DAB1: variants seen among roughly 807,000 people sequenced by gnomAD.
DAB1 encodes disabled homolog 1.
DAB1 carries 15 observed loss-of-function variants against 64.6 expected under a neutral mutation model. That is an observed-to-expected ratio of 0.23 (90% CI 0.16 to 0.36). The LOEUF (loss-of-function observed/expected upper bound fraction) is 0.36. DAB1 is among the 10% of genes least tolerant of loss of function. The pLI is 1.00. For synonymous variants in DAB1, 235 were observed against 251.9 expected, an observed-to-expected ratio of 0.93 and a Z score of 0.64; for missense variants, 596 against 706.7, an observed-to-expected ratio of 0.84 and a Z score of 1.78.
At chr1:57,912,162 T>C (rs1374414360) in intron 5 of DAB1, among the ~76,000 whole-genome samples, 1 of 152,222 alleles carries the variant, frequency 6.6e-6, no homozygotes, top group African/African-American at 2.4e-5. Flanking sequence ...AAGCTTCACC[T>C]GTATGTCACG....
intron 3 of DAB1, among the ~76,000 whole-genome samples, chr1:58,386,551 A>G (rs1644433844): frequency 6.6e-6 from 1 of 152,162 alleles, no homozygotes; most frequent in Admixed American, 6.5e-5. Flanking sequence ...CGACTTATCC[A>G]AAGTCACAGT....
At chr1:57,996,638 G>A (rs11207147) in intron 5 of DAB1, among the ~76,000 whole-genome samples, 3,001 of 152,228 alleles carry the variant, frequency 0.02, 66 homozygotes, top group African/African-American at 0.049. Context: ...AATGCAGAAG[G>A]GTGGAAAAGT....
At chr1:58,517,213 C>A (rs1409677645) in intron 2 of DAB1, among the ~76,000 whole-genome samples, 2 of 152,216 alleles carry the variant, frequency 1.3e-5, no homozygotes, top group African/African-American at 4.8e-5. Flanking sequence ...ATCTGGACTA[C>A]TGAACCCAAA....
intron 3 of DAB1, among the ~76,000 whole-genome samples, chr1:58,486,749 C>T (rs961554147): frequency 6.6e-5 from 10 of 152,126 alleles, no homozygotes; most frequent in African/African-American, 2.2e-4. Flanking sequence ...TCAAAGAAAG[C>T]CTCCCCAGGA....
chr1:57,166,630 G>A (rs1253507196), intron 2 of DAB1, among the ~76,000 whole-genome samples: 1 of 152,138 alleles, frequency 6.6e-6, no homozygotes, highest in Non-Finnish European at 1.5e-5. Context: ...GGGAGAGGTG[G>A]TATTGAAGTC....
chr1:58,366,572 T>C (rs1195007235), intron 3 of DAB1, among the ~76,000 whole-genome samples: 1 of 152,138 alleles, frequency 6.6e-6, no homozygotes, highest in Non-Finnish European at 1.5e-5. Context: ...AAGAGTGAAA[T>C]AGGAGTGGAT....
intron 4 of DAB1, among the ~76,000 whole-genome samples, chr1:57,112,404 A>G (rs1383555575): frequency 6.6e-6 from 1 of 152,208 alleles, no homozygotes; most frequent in East Asian, 1.9e-4. Context: ...CAGGTGAATC[A>G]TCACCAAGAT....
intron 5 of DAB1, among the ~76,000 whole-genome samples, chr1:57,900,536 G>A (rs748113361): frequency 2.0e-5 from 3 of 152,192 alleles, no homozygotes; most frequent in Non-Finnish European, 4.4e-5. Context: ...TAGGCTACCT[G>A]AGCAAGCGAG....
At chr1:57,812,330 A>G (rs1325173127) in intron 6 of DAB1, among the ~76,000 whole-genome samples, 1 of 151,176 alleles carries the variant, frequency 6.6e-6, no homozygotes, top group Non-Finnish European at 1.5e-5. Context: ...AAAAAAAAAA[A>G]AAAAAAAAGA....
rs548695793 is a variant in DAB1, at chr1:57,750,089, G to A, written n.552-100424C>T. Among the ~76,000 whole-genome samples the A allele has an allele frequency of 7.9e-5, 12 of 152,214 alleles. No homozygotes were observed. In the South Asian group the frequency reaches 2.5e-3, roughly 32 times the overall value. ...AAGCCCTGTGCTGCCTACAGTCAAG[G>A]CCCCACCTGATTCTTTCTCTCCTTT... is the stretch of plus-strand genomic sequence containing the variant. On this transcript the variant is annotated intron_variant and non_coding_transcript_variant, in intron 6 of 20. Coordinates refer to the DAB1 transcript ENST00000485760.
intron 6 of DAB1, among the ~76,000 whole-genome samples, chr1:57,795,145 T>C (rs977622494): frequency 2.6e-5 from 4 of 152,172 alleles, no homozygotes; most frequent in African/African-American, 9.7e-5. Context: ...ACATGAATAA[T>C]ACAGAATACC....
chr1:57,977,410 T>C (rs963628079), intron 5 of DAB1, among the ~76,000 whole-genome samples: 1 of 152,180 alleles, frequency 6.6e-6, no homozygotes, highest in Non-Finnish European at 1.5e-5. Context: ...CTGACTTCAT[T>C]TGTTTCCTTC....
intron 7 of DAB1, among the ~76,000 whole-genome samples, chr1:57,533,953 A>T (rs933541342): frequency 3.3e-5 from 5 of 152,178 alleles, no homozygotes; most frequent in African/African-American, 9.7e-5. Context: ...TGAAGACACT[A>T]GCCAGTCCAC....
At chr1:57,119,842 G>T (rs1343579773) in intron 4 of DAB1, among the ~76,000 whole-genome samples, 1 of 152,112 alleles carries the variant, frequency 6.6e-6, no homozygotes, top group African/African-American at 2.4e-5. Flanking sequence ...TTGGGAAACA[G>T]TTGACTGCCC....
chr1:57,682,198 C>T lies in DAB1; in HGVS notation n.552-32533G>A, dbSNP rs559161047. On this transcript the variant is annotated intron_variant and non_coding_transcript_variant, in intron 6 of 20. Coordinates refer to the DAB1 transcript ENST00000485760. ...AACATCCAATTAGTTTCCTTTAAAA[C>T]AGTCAAGAACATATTGCAACCATTA... is the stretch of plus-strand genomic sequence containing the variant. Among the ~76,000 whole-genome samples, 4 of 151,594 alleles carry T rather than the reference C, an allele frequency of 2.6e-5. No individual in the cohort carries two copies. The South Asian group carries it at 6.3e-4, about 24-fold the overall frequency.
At chr1:58,344,482 C>G (rs1325642007) in intron 3 of DAB1, among the ~76,000 whole-genome samples, 5 of 152,066 alleles carry the variant, frequency 3.3e-5, no homozygotes, top group Non-Finnish European at 7.4e-5. Context: ...ATATTGACAA[C>G]AGAGAATGAG....
chr1:58,476,502 C>T (rs1260285154), intron 3 of DAB1, among the ~76,000 whole-genome samples: 1 of 152,164 alleles, frequency 6.6e-6, no homozygotes, highest in Non-Finnish European at 1.5e-5. Context: ...CTGGGTGATT[C>T]AGAGGCTGGG....
chr1:58,174,589 T>C lies in DAB1; in HGVS notation n.310-24001A>G, dbSNP rs1656358538. Among the ~76,000 whole-genome samples the C allele has an allele frequency of 2.0e-5, 3 of 152,130 alleles. No homozygotes were observed. The South Asian group carries it at 6.2e-4, about 32-fold the overall frequency. ...TCCAACAGCAGTTGGGGTGTCCTGT[T>C]TAGAGGGGGGATTGAGAGGTGAAGC... On this transcript the variant is annotated intron_variant and non_coding_transcript_variant, in intron 4 of 20. Coordinates refer to the DAB1 transcript ENST00000485760.
chr1:57,207,606 G>T (rs1451602603), intron 2 of DAB1, among the ~76,000 whole-genome samples: 16 of 149,704 alleles, frequency 1.1e-4, no homozygotes, highest in Admixed American at 1.0e-3. Context: ...ACTACGCCCA[G>T]CTAATTTTTT....
Sources: gnomAD v4.1 joint callset for allele counts (sites outside exome capture counted in the v4.1 genomes callset) on GRCh38, gnomAD v4.1.1 for gene constraint, MANE v1.5 for transcripts, NCBI Gene and HGNC (gene_info 2026-07-23, HGNC 2026-07-21) for gene names.